The following PCDH10 variants were observed in gnomAD, a reference collection of about 807,000 sequenced individuals.
PCDH10 encodes protocadherin-10.
A neutral mutation model predicts 74.4 loss-of-function variants in PCDH10; 15 were observed. That is an observed-to-expected ratio of 0.20 (90% CI 0.13 to 0.31). PCDH10 has a LOEUF of 0.31. Ranked by LOEUF, PCDH10 falls within the 10% of genes least tolerant of loss-of-function variation. The pLI is 1.00. For synonymous variants in PCDH10, 619 were observed against 589.8 expected (o/e 1.05, Z -0.72); for missense variants, 1,260 against 1,390.2 (o/e 0.91, Z 1.49).
rs777975237 is a variant in PCDH10 at position 133,152,571 on chromosome 4, G to A, written c.2431G>A (p.Gly811Ser). 1.2e-6 allele frequency: 2 copies of A among 1,614,118 alleles called. No homozygotes were observed. The highest frequency in any genetic ancestry group is 2.2e-5 in the South Asian group (2 of 91,080). The change falls in exon 1 of 5, where the codon GGC (glycine) becomes AGC (serine). Residue 811 changes from glycine (G) to serine (S), a missense_variant. By Grantham distance (56) the Gly-to-Ser change is moderately conservative. Around this residue, in one of 11 missense-constraint regions of PCDH10, gnomAD observed 587 missense variants for 616.9 expected, o/e 0.95. Coordinates refer to ENST00000264360, the MANE Select transcript of PCDH10 (RefSeq NM_032961.3). ...GCCGATAGAGGAGTCCGGGGGCTTT[G>A]GCTCCCACCACCACAACCAGAATTA... ...QVPIEESGGF[G>S]SHHHNQNYCY...
chr4:133,176,858 G>T (rs1262371475), intron 4 of PCDH10, among the ~76,000 whole-genome samples: 4 of 152,042 alleles, frequency 2.6e-5, no homozygotes. Context: ...ATATACAACA[G>T]TGAAAATCGT....
rs771377776 is a variant in PCDH10, at chr4:133,152,217, G to A, written c.2077G>A (p.Gly693Ser). Residue 693 changes from glycine to serine, a missense_variant, in exon 1 of 5, where the codon GGC becomes AGC. By Grantham distance (56) the Gly-to-Ser change is moderately conservative. Transcript: ENST00000264360. The stretch of plus-strand genomic sequence containing the variant: ...GCCCCAGGGCGGGGGCGGGAGCGGA[G>A]GCGGAGGGTCAGGAGAGCACCAGCG... Reference protein sequence around the residue: ...VEPQGGGGSGGGGSGEHQRPS... With the variant: ...VEPQGGGGSGSGGSGEHQRPS... The A allele has an allele frequency of 3.1e-6, 5 of 1,592,294 alleles. No individual in the cohort carries two copies. The South Asian group carries it at 5.7e-5, about 18-fold the overall frequency.
chr4:133,162,013 G>T (rs1487447436), intron 3 of PCDH10, among the ~76,000 whole-genome samples: 1 of 152,072 alleles, frequency 6.6e-6, no homozygotes, highest in African/African-American at 2.4e-5. Flanking sequence ...CTTATGCTTT[G>T]CTTAAGAAAC....
intron 3 of PCDH10, among the ~76,000 whole-genome samples, chr4:133,162,735 TTATC>T (rs965565998): frequency 6.6e-6 from 1 of 152,188 alleles, no homozygotes; most frequent in African/African-American, 2.4e-5. Context: ...TTAGAAACAT[TTATC>T]TCAGAGGCCT....
chr4:133,155,957 T>G (rs1043150813), intron 3 of PCDH10, among the ~76,000 whole-genome samples: 17 of 152,318 alleles, frequency 1.1e-4, no homozygotes, highest in African/African-American at 3.8e-4. Flanking sequence ...AGTTTTGTGT[T>G]TATTTGACAC....
chr4:133,173,490 C>T (rs1247939943), intron 4 of PCDH10, among the ~76,000 whole-genome samples: 1 of 151,944 alleles, frequency 6.6e-6, no homozygotes, highest in African/African-American at 2.4e-5. Flanking sequence ...AAACTATATA[C>T]GTATGCCATC....
intron 4 of PCDH10, among the ~76,000 whole-genome samples, chr4:133,166,039 T>C (rs899406731): frequency 6.6e-6 from 1 of 151,650 alleles, no homozygotes; most frequent in Non-Finnish European, 1.5e-5. Flanking sequence ...TTTTTAAAAA[T>C]CAGGAATAAT....
At chr4:133,184,513 C>CTTGG (rs1486225999) in intron 4 of PCDH10, among the ~76,000 whole-genome samples, 1 of 151,536 alleles carries the variant, frequency 6.6e-6, no homozygotes, top group Non-Finnish European at 1.5e-5. Context: ...ATCCCAGCTA[C>CTTGG]TTGGTAGTCT....
chr4:133,167,080 T>C (rs555539522), intron 4 of PCDH10, among the ~76,000 whole-genome samples: 3 of 151,566 alleles, frequency 2.0e-5, no homozygotes, highest in African/African-American at 7.2e-5. Context: ...TAATTTTATT[T>C]TTGCCAACTT....
chr4:133,162,618 A>C (rs932384072), intron 3 of PCDH10, among the ~76,000 whole-genome samples: 1 of 152,136 alleles, frequency 6.6e-6, no homozygotes, highest in African/African-American at 2.4e-5. Context: ...TTTATCTGTT[A>C]TGAACTTCAC....
At position 133,155,019 on chromosome 4, in the gene PCDH10, A is replaced by G. The variant is rs1418289406; in HGVS notation, c.2793A>G (p.Ser931=). Reference sequence around the variant, plus strand: ...ATGATGCCACCAACCGTGCCCAGTCAGCTGGTAAGTGTGATCAAAGGGCAA... The same window carrying G: ...ATGATGCCACCAACCGTGCCCAGTCGGCTGGTAAGTGTGATCAAAGGGCAA... The part of the protein sequence containing the change: ...SDHDATNRAQ[S]AGMDLFSNCT... The change falls in exon 3 of 5, where the codon TCA becomes TCG. Residue 931 remains serine, a synonymous_variant. Transcript: ENST00000264360. 2 of 1,600,226 alleles carry G rather than the reference A, an allele frequency of 1.2e-6. No individual in the cohort carries two copies. Among genetic ancestry groups the G allele is most frequent in the African/African-American group, 2.7e-5 (2 of 74,644 alleles).
At chr4:133,174,658 A>G (rs1323637287) in intron 4 of PCDH10, among the ~76,000 whole-genome samples, 1 of 151,292 alleles carries the variant, frequency 6.6e-6, no homozygotes, top group Non-Finnish European at 1.5e-5. Flanking sequence ...GTAATTTTAT[A>G]TAGGCAAAAT....
At chr4:133,179,744 G>T (rs1470654069) in intron 4 of PCDH10, among the ~76,000 whole-genome samples, 1 of 151,988 alleles carries the variant, frequency 6.6e-6, no homozygotes, top group Non-Finnish European at 1.5e-5. Flanking sequence ...AAATCTTTTA[G>T]AGCTGAATCA....
chr4:133,179,600 T>G (rs2125869623), intron 4 of PCDH10, among the ~76,000 whole-genome samples: 1 of 152,288 alleles, frequency 6.6e-6, no homozygotes, highest in South Asian at 2.1e-4. Flanking sequence ...AGATTCAATT[T>G]ATTTTACTTT....
intron 4 of PCDH10, among the ~76,000 whole-genome samples, chr4:133,179,413 C>G (rs1176447013): frequency 6.6e-6 from 1 of 152,138 alleles, no homozygotes; most frequent in Non-Finnish European, 1.5e-5. Context: ...GACTTTTATA[C>G]TTAAGCTCTG....
chr4:133,200,666 T>A (rs1365446862), intron 2 of PCDH10, among the ~76,000 whole-genome samples: 1 of 152,160 alleles, frequency 6.6e-6, no homozygotes, highest in African/African-American at 2.4e-5. Context: ...CTTAAAAATA[T>A]TTTGGTCTGA....
intron 4 of PCDH10, among the ~76,000 whole-genome samples, chr4:133,181,107 C>A (rs1052625035): frequency 1.4e-4 from 21 of 151,086 alleles, no homozygotes; most frequent in South Asian, 2.1e-4. Flanking sequence ...ACCTTCTATG[C>A]CAAGAAGAAA....
At chr4:133,203,223 C>T (rs969046) in intron 2 of PCDH10, among the ~76,000 whole-genome samples, 57,438 of 151,968 alleles carry the variant, frequency 0.38, 13,171 homozygotes, top group East Asian at 0.62. Context: ...ATAGTATAGA[C>T]ATTACAGGAG....
chr4:133,207,183 A>G (rs1560720939), intron 2 of PCDH10, among the ~76,000 whole-genome samples: 1 of 151,936 alleles, frequency 6.6e-6, no homozygotes, highest in Admixed American at 6.6e-5. Context: ...AGATTAGAAT[A>G]GCGATTATTT....
Sources: gnomAD v4.1 joint callset for allele counts (sites outside exome capture counted in the v4.1 genomes callset) on GRCh38, gnomAD v4.1.1 for gene constraint, gnomAD v4.1.1 regional missense constraint, MANE v1.5 for transcripts, NCBI Gene and HGNC (gene_info 2026-07-23, HGNC 2026-07-21) for gene names.